The following CACHD1 variants were observed in gnomAD, a reference collection of about 807,000 sequenced individuals.
The protein encoded by CACHD1 is cache domain containing 1.
In CACHD1, 71 loss-of-function variants were observed where a neutral mutation model predicts 138.7. The observed-to-expected ratio is 0.51, with a 90% CI of 0.42 to 0.62. The LOEUF is 0.62. Ranked by LOEUF, CACHD1 falls within the 20% of genes least tolerant of loss-of-function variation. The pLI, the probability that CACHD1 is intolerant of heterozygous loss-of-function variation, is 0.00. For missense variants in CACHD1, 1,389 were observed against 1,625.3 expected, an observed-to-expected ratio of 0.85 and a Z score of 2.50; for synonymous variants, 578 against 591.5, an observed-to-expected ratio of 0.98 and a Z score of 0.33.
rs567015038 is a variant in CACHD1, at chr1:64,691,780, G to A, written c.*219G>A. The A allele has an allele frequency of 2.5e-5, 14 of 566,542 alleles. No individual in the cohort carries two copies. In the South Asian group the frequency reaches 2.8e-4, roughly 11 times the overall value. The allele number at this position is 566,542 out of a possible 1,614,324, so 35.1% of individuals were successfully genotyped here. A position where few individuals can be genotyped will look rare whatever the true frequency, so the allele number is the denominator to read the frequency against. Reference sequence around the variant, plus strand: ...ATGTGAGGCTGGTTCTGAAATGGAGGGGAAATAAGCCTGATGAACAGACCT... The same window carrying A: ...ATGTGAGGCTGGTTCTGAAATGGAGAGGAAATAAGCCTGATGAACAGACCT... On this transcript the variant is annotated 3_prime_UTR_variant, in exon 27 of 27. Transcript: ENST00000651257.
chr1:64,585,923 GGAAA>G (rs959932549), intron 3 of CACHD1, among the ~76,000 whole-genome samples: 31 of 152,334 alleles, frequency 2.0e-4, no homozygotes, highest in Admixed American at 6.5e-4. Flanking sequence ...ATTTAAAAAT[GGAAA>G]GAGTTAGTAG....
At chr1:64,628,430 G>A (rs1177159045) in intron 4 of CACHD1, among the ~76,000 whole-genome samples, 2 of 152,170 alleles carry the variant, frequency 1.3e-5, no homozygotes, top group Non-Finnish European at 2.9e-5. Flanking sequence ...GTAATAAATA[G>A]CTGAGTCAGA....
chr1:64,549,902 TAA>T (rs1287849415), intron 1 of CACHD1, among the ~76,000 whole-genome samples: 1 of 152,100 alleles, frequency 6.6e-6, no homozygotes, highest in Admixed American at 6.6e-5. Context: ...TACAGTTTGG[TAA>T]AGTCATAAGT....
In CACHD1 at chr1:64,679,777, A is replaced by C. The variant is rs1650111528; in HGVS notation, c.3406+21A>C. On this transcript the variant is annotated intron_variant, in intron 24 of 26. Transcript: ENST00000651257. Reference sequence around the variant, plus strand: ...CCAAGGTGAGCTCAAAATGAACCCCACAGGGGAGGCAGCAGCCAGGCTAGA... The same window carrying C: ...CCAAGGTGAGCTCAAAATGAACCCCCCAGGGGAGGCAGCAGCCAGGCTAGA... 3 of 1,611,290 alleles carry C rather than the reference A, an allele frequency of 1.9e-6. 1 individual carries two copies. The highest frequency in any genetic ancestry group is 3.3e-5 in the Admixed American group (2 of 59,910).
chr1:64,678,615 G>A (rs748706623), intron 23 of CACHD1, among the ~76,000 whole-genome samples: 4 of 152,154 alleles, frequency 2.6e-5, no homozygotes, highest in Admixed American at 6.5e-5. Context: ...GGATATGCAC[G>A]CCAGCTGTCA....
At chr1:64,502,204 A>G (rs901589376) in intron 1 of CACHD1, among the ~76,000 whole-genome samples, 1 of 152,210 alleles carries the variant, frequency 6.6e-6, no homozygotes, top group African/African-American at 2.4e-5. Context: ...CTTTCCCACA[A>G]TGGAGCTGTG....
At chr1:64,643,515 A>G (rs1648796291) in intron 8 of CACHD1, among the ~76,000 whole-genome samples, 1 of 152,204 alleles carries the variant, frequency 6.6e-6, no homozygotes, top group African/African-American at 2.4e-5. Context: ...TTGTGTTTAA[A>G]GTTCTTAATG....
intron 1 of CACHD1, among the ~76,000 whole-genome samples, chr1:64,471,355 C>A (rs1207046610): frequency 6.6e-6 from 1 of 152,240 alleles, no homozygotes; most frequent in Non-Finnish European, 1.5e-5. Context: ...GAGCAGCCAG[C>A]CCCGTCTGGC....
intron 3 of CACHD1, among the ~76,000 whole-genome samples, chr1:64,590,828 A>AGTTGTGATG (rs2100555118): frequency 6.6e-6 from 1 of 152,358 alleles, no homozygotes; most frequent in African/African-American, 2.4e-5. Context: ...GATGTAAATT[A>AGTTGTGATG]TACCTGAGTC....
intron 4 of CACHD1, among the ~76,000 whole-genome samples, chr1:64,603,171 C>G (rs1570407699): frequency 7.7e-6 from 1 of 129,752 alleles, no homozygotes; most frequent in Non-Finnish European, 1.5e-5. Flanking sequence ...GTGCCGCGAT[C>G]TCGGCTCACT....
chr1:64,471,047 C>T, intron 1 of CACHD1, 105 bp downstream of exon 1: 1 of 1,151,062 alleles, frequency 8.7e-7, no homozygotes, highest in Non-Finnish European at 1.2e-6. Context: ...CGGCTCCTTG[C>T]ATACATAGAG....
In CACHD1 at chr1:64,590,659, G is replaced by GGTTTTGTTTT. The variant is rs5774709; in HGVS notation, c.410+8376_410+8385dup. On this transcript the variant is annotated intron_variant, in intron 3 of 26. Transcript: ENST00000651257. ...TTAAGGGACTTAGCTTCAAGTCAAG[G>GGTTTTGTTTT]GTTTTGTTTTGTTTTGTTTTGTTTT... Among the ~76,000 whole-genome samples the GGTTTTGTTTT allele has an allele frequency of 7.1e-3, 1,075 of 152,028 alleles. 15 individuals are homozygous for GGTTTTGTTTT. Among genetic ancestry groups the GGTTTTGTTTT allele is most frequent in the African/African-American group, 0.025 (1,026 of 41,418 alleles).
intron 1 of CACHD1, among the ~76,000 whole-genome samples, chr1:64,486,770 T>G (rs1013111138): frequency 1.3e-5 from 2 of 152,220 alleles, no homozygotes; most frequent in African/African-American, 4.8e-5. Context: ...GGGAGCACAC[T>G]GATGGATAGA....
At chr1:64,605,258 C>T (rs1647302523) in intron 4 of CACHD1, among the ~76,000 whole-genome samples, 1 of 152,098 alleles carries the variant, frequency 6.6e-6, no homozygotes, top group Non-Finnish European at 1.5e-5. Flanking sequence ...AGCCACCGTG[C>T]CTACCAAGAT....
chr1:64,476,496 A>G (rs1646175395), intron 1 of CACHD1, among the ~76,000 whole-genome samples: 1 of 152,266 alleles, frequency 6.6e-6, no homozygotes, highest in Non-Finnish European at 1.5e-5. Flanking sequence ...TGTATATGCA[A>G]ATAATGTGAT....
intron 1 of CACHD1, among the ~76,000 whole-genome samples, chr1:64,483,870 C>A (rs1213638356): frequency 1.4e-5 from 2 of 145,422 alleles, no homozygotes; most frequent in Non-Finnish European, 3.0e-5. Flanking sequence ...ACCTTCCCCC[C>A]CCCCCTTGCA....
intron 14 of CACHD1, chr1:64,664,262 TAAACTC>T: frequency 1.8e-6 from 1 of 558,426 alleles, no homozygotes; most frequent in Non-Finnish European, 3.2e-6. Context: ...TTTTTCTTCT[TAAACTC>T]AGAAAGCCTA....
chr1:64,540,155 C>T (rs1646665903), intron 1 of CACHD1, among the ~76,000 whole-genome samples: 1 of 152,116 alleles, frequency 6.6e-6, no homozygotes, highest in Non-Finnish European at 1.5e-5. Context: ...GATAGATTCC[C>T]AGAGACCTAA....
intron 1 of CACHD1, among the ~76,000 whole-genome samples, chr1:64,484,934 A>G (rs1046503023): frequency 7.2e-5 from 11 of 152,226 alleles, no homozygotes; most frequent in African/African-American, 2.4e-4. Context: ...TGCTACTACA[A>G]ACATGAGTGT....
Sources: allele counts gnomAD v4.1 joint callset (sites outside exome capture counted in the v4.1 genomes callset), GRCh38; gene constraint gnomAD v4.1.1; transcripts MANE v1.5; gene names NCBI Gene and HGNC (gene_info 2026-07-23, HGNC 2026-07-21).